Variants in RIMS2 observed in about 807,000 individuals in gnomAD.
The protein encoded by RIMS2 is regulating synaptic membrane exocytosis protein 2.
Under a neutral mutation model 174.4 loss-of-function variants are expected in RIMS2, and 59 were observed. The observed-to-expected ratio is 0.34, with a 90% CI of 0.27 to 0.42. The LOEUF is 0.42. Among genes scored for constraint, RIMS2 ranks in the 10% least tolerant of loss-of-function variants. The pLI, the probability that RIMS2 is intolerant of heterozygous loss-of-function variation, is 1.00. For synonymous variants in RIMS2, 606 were observed against 572.5 expected, an observed-to-expected ratio of 1.06 and a Z score of -0.84; for missense variants, 1,620 against 1,666.3, an observed-to-expected ratio of 0.97 and a Z score of 0.48.
At chr8:103,935,203 G>A (rs2080971767) in intron 12 of RIMS2, among the ~76,000 whole-genome samples, 1 of 152,152 alleles carries the variant, frequency 6.6e-6, no homozygotes, top group Non-Finnish European at 1.5e-5. Context: ...TTTCAGATAA[G>A]TTATTCCCAT....
At chr8:103,571,095 A>G (rs1161761541) in intron 1 of RIMS2, among the ~76,000 whole-genome samples, 2 of 152,118 alleles carry the variant, frequency 1.3e-5, no homozygotes, top group Non-Finnish European at 2.9e-5. Flanking sequence ...TCTGCCATCA[A>G]TGTTAGAGAA....
intron 16 of RIMS2, among the ~76,000 whole-genome samples, chr8:103,977,906 G>A (rs1204957936): frequency 6.6e-6 from 1 of 152,148 alleles, no homozygotes; most frequent in Non-Finnish European, 1.5e-5. Flanking sequence ...ATCAAATCTT[G>A]TTCAAAAGTT....
At chr8:103,552,206 A>G (rs1208218761) in intron 1 of RIMS2, among the ~76,000 whole-genome samples, 2 of 152,214 alleles carry the variant, frequency 1.3e-5, no homozygotes, top group African/African-American at 4.8e-5. Context: ...AAACTATACT[A>G]TAAGGCTACA....
At chr8:104,186,395 G>T (rs2098968155) in intron 19 of RIMS2, among the ~76,000 whole-genome samples, 1 of 151,726 alleles carries the variant, frequency 6.6e-6, no homozygotes, top group South Asian at 2.1e-4. Context: ...ACCTCTGAAT[G>T]ATGTAATAAA....
intron 19 of RIMS2, among the ~76,000 whole-genome samples, chr8:104,072,519 T>G (rs1252107037): frequency 5.9e-5 from 9 of 152,134 alleles, no homozygotes; most frequent in Admixed American, 5.9e-4. Flanking sequence ...CTAATTTAGT[T>G]TTTCAAATTT....
At chr8:103,554,740 T>C (rs997230092) in intron 1 of RIMS2, among the ~76,000 whole-genome samples, 1 of 152,150 alleles carries the variant, frequency 6.6e-6, no homozygotes, top group East Asian at 1.9e-4. Context: ...GAGATGTATG[T>C]CCATTGCAGC....
intron 3 of RIMS2, among the ~76,000 whole-genome samples, chr8:103,842,747 A>T (rs2098947629): frequency 6.6e-6 from 1 of 152,216 alleles, no homozygotes; most frequent in African/African-American, 2.4e-5. Context: ...TTTTTAAAAA[A>T]TTTAAACATT....
At chr8:103,666,397 A>G (rs953573791) in intron 1 of RIMS2, among the ~76,000 whole-genome samples, 4 of 152,144 alleles carry the variant, frequency 2.6e-5, no homozygotes, top group African/African-American at 9.7e-5. Flanking sequence ...CATTTGGTCA[A>G]CCGGAGAGGT....
chr8:103,713,682 A>G (rs1007989369), intron 2 of RIMS2, among the ~76,000 whole-genome samples: 2 of 152,140 alleles, frequency 1.3e-5, no homozygotes, highest in African/African-American at 4.8e-5. Flanking sequence ...CATCCTTCAA[A>G]TACTGCTATA....
chr8:103,762,948 G>A (rs541418328), intron 2 of RIMS2, among the ~76,000 whole-genome samples: 18 of 152,006 alleles, frequency 1.2e-4, no homozygotes, highest in Non-Finnish European at 4.4e-5. Context: ...GTAAAAATAC[G>A]GTATTATAAT....
intron 19 of RIMS2, among the ~76,000 whole-genome samples, chr8:104,074,065 A>G (rs2097246117): frequency 6.6e-6 from 1 of 152,224 alleles, no homozygotes; most frequent in Non-Finnish European, 1.5e-5. Context: ...CAACACTGAG[A>G]AGACATATTC....
intron 1 of RIMS2, among the ~76,000 whole-genome samples, chr8:103,532,062 C>G (rs929045482): frequency 6.6e-6 from 1 of 152,164 alleles, no homozygotes; most frequent in African/African-American, 2.4e-5. Flanking sequence ...TTCTAATTCT[C>G]CCTGATTAAG....
chr8:104,206,820 G>A (rs916127876), intron 19 of RIMS2, among the ~76,000 whole-genome samples: 4 of 152,224 alleles, frequency 2.6e-5, no homozygotes, highest in African/African-American at 7.2e-5. Flanking sequence ...GTCCCAAGGA[G>A]TAGGGAGGCC....
At chr8:103,726,050 T>C (rs1488278175) in intron 2 of RIMS2, among the ~76,000 whole-genome samples, 1 of 152,224 alleles carries the variant, frequency 6.6e-6, no homozygotes, top group East Asian at 1.9e-4. Flanking sequence ...TCACTCTATA[T>C]ATACTGAACA....
intron 21 of RIMS2, 122 bp downstream of exon 27, chr8:104,248,935 T>TTG: frequency 2.0e-6 from 1 of 497,074 alleles, no homozygotes; most frequent in East Asian, 3.1e-5. Context: ...CTCCCTCTAT[T>TTG]TTTTTTTTTT....
chr8:103,805,864 T>C (rs2098646699), intron 3 of RIMS2, among the ~76,000 whole-genome samples: 2 of 152,094 alleles, frequency 1.3e-5, no homozygotes. Flanking sequence ...ACTTAATCAG[T>C]TGTGATAAAG....
intron 3 of RIMS2, among the ~76,000 whole-genome samples, chr8:103,797,927 G>A (rs1332160834): frequency 6.6e-6 from 1 of 152,086 alleles, no homozygotes; most frequent in South Asian, 2.1e-4. Flanking sequence ...ACTCTCAAAA[G>A]TATCCTGGGG....
intron 3 of RIMS2, among the ~76,000 whole-genome samples, chr8:103,858,080 G>A (rs1162914444): frequency 3.3e-5 from 5 of 152,172 alleles, no homozygotes; most frequent in Non-Finnish European, 7.3e-5. Flanking sequence ...TTGTTGTACA[G>A]AGAAATAAAT....
At chr8:103,872,428 C>T (rs1299043664) in intron 3 of RIMS2, among the ~76,000 whole-genome samples, 2 of 152,126 alleles carry the variant, frequency 1.3e-5, no homozygotes, top group East Asian at 1.9e-4. Flanking sequence ...TGAGACAAGT[C>T]GGCTTTAGTT....
Sources: gnomAD v4.1 joint callset for allele counts (sites outside exome capture counted in the v4.1 genomes callset) on GRCh38, gnomAD v4.1.1 for gene constraint, MANE v1.5 for transcripts, NCBI Gene and HGNC (gene_info 2026-07-23, HGNC 2026-07-21) for gene names.